Variants in SMURF2 observed in about 807,000 individuals in gnomAD.
SMURF2 encodes the protein SMAD specific E3 ubiquitin protein ligase 2, also known as E3 ubiquitin-protein ligase SMURF2.
In SMURF2, 48 loss-of-function variants were observed where a neutral mutation model predicts 109.6. The observed-to-expected ratio is 0.44, with a 90% CI of 0.35 to 0.56. The LOEUF (loss-of-function observed/expected upper bound fraction) is 0.56, where lower values mean the gene tolerates loss of function less well. Ranked by LOEUF, SMURF2 falls within the 20% of genes least tolerant of loss-of-function variation. SMURF2 has a pLI of 0.01. For missense variants in SMURF2, 575 were observed against 909.0 expected (o/e 0.63, Z 4.72); for synonymous variants, 288 against 317.1 (o/e 0.91, Z 0.97).
chr17:64,631,176 C>T (rs1421581514), intron 1 of SMURF2, among the ~76,000 whole-genome samples: 1 of 147,714 alleles, frequency 6.8e-6, no homozygotes, highest in African/African-American at 2.5e-5. Flanking sequence ...GTGGCGTGTG[C>T]CTGTAGTCCC....
intron 1 of SMURF2, among the ~76,000 whole-genome samples, chr17:64,629,587 C>T (rs982339157): frequency 6.6e-6 from 1 of 152,192 alleles, no homozygotes; most frequent in African/African-American, 2.4e-5. Flanking sequence ...CACCAAAATC[C>T]TAAATTGCAA....
chr17:64,551,662 T>C lies in SMURF2; in HGVS notation c.1791A>G (p.Gln597=), dbSNP rs1372243622. The C allele has an allele frequency of 2.7e-5, 43 of 1,613,990 alleles. No individual in the cohort carries two copies. The highest frequency in any genetic ancestry group is 3.6e-5 in the Non-Finnish European group (42 of 1,180,004). ...NWRFLRGIEA[Q]FLALQKGFNE... is the part of the protein sequence containing the mutation. ...TAAATCCTTTCTGCAGAGCCAAGAA[T>C]TGAGCCTCAATGCCTCGTAAAAATC... Residue 597 remains glutamine, a synonymous_variant, in exon 16 of 19, where the codon CAA becomes CAG. Transcript: ENST00000262435.
chr17:64,596,606 A>AAAAAAAAAAAAAAAAC (rs1969822424), intron 3 of SMURF2, among the ~76,000 whole-genome samples: 1 of 150,568 alleles, frequency 6.6e-6, no homozygotes. Context: ...AAAAAAAAAA[A>AAAAAAAAAAAAAAAAC]AAAGGAAGTC....
intron 1 of SMURF2, among the ~76,000 whole-genome samples, chr17:64,645,226 T>C (rs1381019058): frequency 6.6e-6 from 1 of 152,144 alleles, no homozygotes; most frequent in Non-Finnish European, 1.5e-5. Flanking sequence ...TTTGAGATGC[T>C]GATATATTTA....
At chr17:64,642,802 A>T (rs74617570) in intron 1 of SMURF2, among the ~76,000 whole-genome samples, 7,494 of 151,654 alleles carry the variant, frequency 0.049, 299 homozygotes, top group Admixed American at 0.14. Context: ...TTATTTATTT[A>T]TTTATTTTTT....
intron 1 of SMURF2, among the ~76,000 whole-genome samples, chr17:64,620,139 C>T (rs1448274306): frequency 6.6e-6 from 1 of 152,196 alleles, no homozygotes; most frequent in Non-Finnish European, 1.5e-5. Context: ...TCCCTGACCA[C>T]CTCACATACC....
intron 1 of SMURF2, among the ~76,000 whole-genome samples, chr17:64,625,250 G>T (rs1324107341): frequency 6.6e-6 from 1 of 152,128 alleles, no homozygotes; most frequent in Non-Finnish European, 1.5e-5. Flanking sequence ...TGAATGGGTC[G>T]CTTTCCTGTT....
At chr17:64,567,653 T>C (rs149815706) in intron 10 of SMURF2, among the ~76,000 whole-genome samples, 1,914 of 152,256 alleles carry the variant, frequency 0.013, 43 homozygotes, top group African/African-American at 0.043. Flanking sequence ...ACACTAACAA[T>C]AGCTAATGAG....
Position 64,586,156 on chromosome 17 carries a change from TG to T in SMURF2, c.414del (p.Arg139GlufsTer4). ...VRGQIVVSLQ[S>X]RDRIGTGGQV... The stretch of plus-strand genomic sequence containing the variant: ...TGTCCTCCTGTGCCTATTCGGTCTC[TG>T]GACTGAAGACTTACTATTAAATGAC... On this transcript the variant is annotated frameshift_variant, in exon 6 of 19. Coordinates refer to ENST00000262435, the MANE Select transcript of SMURF2 (RefSeq NM_022739.4). LOFTEE classifies it high-confidence loss of function. The T allele has an allele frequency of 6.2e-7, 1 of 1,604,520 alleles. No individual in the cohort carries two copies. Among genetic ancestry groups the T allele is most frequent in the African/African-American group, 1.3e-5 (1 of 74,824 alleles).
Position 64,545,516 on chromosome 17 carries a change from C to G in SMURF2, c.*332G>C, listed in dbSNP as rs1398368373. 1.2e-5 allele frequency: 2 copies of G among 169,332 alleles called. No homozygotes were observed. The highest frequency in any genetic ancestry group is 4.8e-5 in the African/African-American group (2 of 41,970). 10.5% of individuals were successfully genotyped at this position (169,332 alleles called of 1,614,324 possible). A position where few individuals can be genotyped will look rare whatever the true frequency, so the allele number is the denominator to read the frequency against. ...CTGTGAAGAAATTTGAATAGATTAC[C>G]TTTTATAAAAATAGTAGTAGTCTTT... On this transcript the variant is annotated 3_prime_UTR_variant, in exon 19 of 19. Coordinates refer to ENST00000262435, the MANE Select transcript of SMURF2 (RefSeq NM_022739.4).
At chr17:64,616,380 G>C (rs559030493) in intron 1 of SMURF2, among the ~76,000 whole-genome samples, 5 of 151,906 alleles carry the variant, frequency 3.3e-5, no homozygotes, top group Admixed American at 2.0e-4. Context: ...GGCTGGGCAC[G>C]GTGGCTCTGC....
At chr17:64,550,415 C>T (rs1385166581) in intron 16 of SMURF2, among the ~76,000 whole-genome samples, 4 of 152,074 alleles carry the variant, frequency 2.6e-5, no homozygotes, top group African/African-American at 9.7e-5. Context: ...ATTACAAAAC[C>T]TGGGGTGTTT....
At chr17:64,611,565 C>T (rs1403402190) in intron 1 of SMURF2, among the ~76,000 whole-genome samples, 15 of 152,138 alleles carry the variant, frequency 9.9e-5, no homozygotes, top group African/African-American at 3.6e-4. Context: ...TCCCTCCTGA[C>T]ATCCTGACAA....
In SMURF2 at chr17:64,566,561, G is replaced by GTTTTGTTTT. The variant is rs1969306410; in HGVS notation, c.1017-3596_1017-3595insAAAACAAAA. On this transcript the variant is annotated intron_variant, in intron 10 of 18. Coordinates refer to ENST00000262435, the MANE Select transcript of SMURF2 (RefSeq NM_022739.4). The stretch of plus-strand genomic sequence containing the variant: ...GATGTAGAAATGCTTAAGCTTTCTG[G>GTTTTGTTTT]TTTTTTTTTTTTTTTTTTTTTTTTT... 1.1e-4 allele frequency among the ~76,000 whole-genome samples: 5 copies of GTTTTGTTTT among 43,786 alleles called. 1 individual carries two copies. Among genetic ancestry groups the GTTTTGTTTT allele is most frequent in the Non-Finnish European group, 2.1e-4 (5 of 23,546 alleles). The allele number at this position is 43,786 out of a possible 152,430, so 28.7% of individuals were successfully genotyped here.
intron 3 of SMURF2, among the ~76,000 whole-genome samples, chr17:64,597,710 T>C (rs1173826294): frequency 6.6e-6 from 1 of 151,364 alleles, no homozygotes; most frequent in Admixed American, 6.6e-5. Flanking sequence ...GAGACAGAGA[T>C]TGCAGTGAGC....
chr17:64,562,694 A>C, intron 11 of SMURF2, 77 bp downstream of exon 11: 1 of 1,424,644 alleles, frequency 7.0e-7, no homozygotes, highest in Non-Finnish European at 9.6e-7. Flanking sequence ...TCTCTAATTT[A>C]AAATAAGGTT....
At position 64,542,517 on chromosome 17, in the gene SMURF2, A is replaced by C. The variant is rs1401945064; in HGVS notation, c.*3331T>G. The C allele has an allele frequency of 1.3e-5, 2 of 152,200 alleles. No individual in the cohort carries two copies. Among genetic ancestry groups the C allele is most frequent in the African/African-American group, 2.4e-5 (1 of 41,450 alleles). 9.4% of individuals were successfully genotyped at this position (152,200 alleles called of 1,614,324 possible). A position where few individuals can be genotyped will look rare whatever the true frequency, so the allele number is the denominator to read the frequency against. On this transcript the variant is annotated 3_prime_UTR_variant, in exon 19 of 19. Transcript: ENST00000262435. Reference sequence around the variant, plus strand: ...TTTTTAAAGTCAGTCTGAGAGAAGAATATTACATAAAGTGAACTAATTACA... The same window carrying C: ...TTTTTAAAGTCAGTCTGAGAGAAGACTATTACATAAAGTGAACTAATTACA...
At chr17:64,589,128 G>C (rs1203313755) in intron 5 of SMURF2, among the ~76,000 whole-genome samples, 1 of 152,118 alleles carries the variant, frequency 6.6e-6, no homozygotes, top group Non-Finnish European at 1.5e-5. Flanking sequence ...ATGAACACCA[G>C]ATTCACATAA....
chr17:64,557,767 CATTTTT>C (rs781841666), intron 12 of SMURF2, 45 bp from the exon 13 acceptor site: 39 of 1,070,510 alleles, frequency 3.6e-5, no homozygotes, highest in Non-Finnish European at 5.2e-5. Context: ...TTAATGTATA[CATTTTT>C]ATTAAGATAT....
Sources: gnomAD v4.1 joint callset for allele counts (sites outside exome capture counted in the v4.1 genomes callset) on GRCh38, gnomAD v4.1.1 for gene constraint, MANE v1.5 for transcripts, NCBI Gene and HGNC (gene_info 2026-07-23, HGNC 2026-07-21) for gene names.